The following IMPG1 variants were observed in gnomAD, a reference collection of about 807,000 sequenced individuals.
IMPG1 encodes the protein interphotoreceptor matrix proteoglycan of 150 kDa.
A neutral mutation model predicts 92.0 loss-of-function variants in IMPG1; 85 were observed. The observed-to-expected ratio is 0.92, with a 90% confidence interval of 0.78 to 1.11. The LOEUF is 1.11. Among genes scored for constraint, IMPG1 ranks in the 50% least tolerant of loss-of-function variants. The pLI is 0.00. For synonymous variants in IMPG1, 367 were observed against 334.1 expected (o/e 1.10, Z -1.08); for missense variants, 1,022 against 956.0 (o/e 1.07, Z -0.91).
intron 12 of IMPG1, among the ~76,000 whole-genome samples, chr6:75,965,363 TA>T (rs1782288822): frequency 7.8e-6 from 1 of 128,414 alleles, no homozygotes; most frequent in Non-Finnish European, 1.6e-5. Context: ...CATTTGTTGT[TA>T]CTTTTTTTTT....
At chr6:75,926,392 G>GA (rs1336844214) in intron 15 of IMPG1, among the ~76,000 whole-genome samples, 3 of 152,114 alleles carry the variant, frequency 2.0e-5, no homozygotes, top group Non-Finnish European at 2.9e-5. Flanking sequence ...TATCCAGAGG[G>GA]AAAAAAACTA....
intron 12 of IMPG1, among the ~76,000 whole-genome samples, chr6:75,983,189 T>C (rs1782657551): frequency 6.6e-6 from 1 of 151,656 alleles, no homozygotes; most frequent in Admixed American, 6.6e-5. Flanking sequence ...CCCAAATCTA[T>C]CAATTTCAAT....
rs151288964 is a variant in IMPG1 at position 76,065,494 on chromosome 6, G to A, written c.67+6928C>T. Among the ~76,000 whole-genome samples, 193 of 152,188 alleles carry A rather than the reference G, an allele frequency of 1.3e-3. 2 individuals carry two copies. Among genetic ancestry groups the A allele is most frequent in the African/African-American group, 3.8e-3 (160 of 41,560 alleles). On this transcript the variant is annotated intron_variant, in intron 1 of 16. Transcript: ENST00000369950. Reference sequence around the variant, plus strand: ...AGACCAAGTGAAAGAAAGAATATCAGAGCTTGAAGGCAGATTTTTGAATTA... The same window carrying A: ...AGACCAAGTGAAAGAAAGAATATCAAAGCTTGAAGGCAGATTTTTGAATTA...
intron 15 of IMPG1, among the ~76,000 whole-genome samples, chr6:75,925,433 A>G (rs1460021567): frequency 1.3e-5 from 2 of 152,024 alleles, no homozygotes; most frequent in Non-Finnish European, 2.9e-5. Context: ...TTCTCTCAAC[A>G]TCAATTTATT....
At chr6:76,015,736 G>T (rs1386138551) in intron 7 of IMPG1, among the ~76,000 whole-genome samples, 1 of 142,874 alleles carries the variant, frequency 7.0e-6, no homozygotes. Context: ...GGAGGCGGAG[G>T]TTGCAGTGAG....
chr6:76,013,701 T>C (rs749530586), intron 7 of IMPG1, among the ~76,000 whole-genome samples: 1 of 152,150 alleles, frequency 6.6e-6, no homozygotes, highest in Non-Finnish European at 1.5e-5. Flanking sequence ...ATACACATAG[T>C]AGGGACCCAG....
At chr6:76,058,472 CTAT>C (rs1230408747) in intron 1 of IMPG1, among the ~76,000 whole-genome samples, 1 of 152,050 alleles carries the variant, frequency 6.6e-6, no homozygotes, top group Non-Finnish European at 1.5e-5. Flanking sequence ...GCAGACTTGG[CTAT>C]TATTATTTTT....
chr6:76,036,260 A>G (rs550364866), intron 2 of IMPG1, among the ~76,000 whole-genome samples: 304 of 152,368 alleles, frequency 2.0e-3, no homozygotes, highest in Non-Finnish European at 3.1e-3. Context: ...TTGTATATGA[A>G]CAATTAGAGG....
chr6:75,930,526 C>G (rs916181961), intron 15 of IMPG1, among the ~76,000 whole-genome samples: 3 of 152,096 alleles, frequency 2.0e-5, no homozygotes, highest in African/African-American at 7.2e-5. Context: ...TATTTCCCAG[C>G]TTTCTTATGA....
intron 4 of IMPG1, among the ~76,000 whole-genome samples, chr6:76,029,042 A>G (rs1562376320): frequency 6.6e-6 from 1 of 152,252 alleles, no homozygotes; most frequent in Non-Finnish European, 1.5e-5. Flanking sequence ...CTGAAAGTGT[A>G]TGCTTCCCTT....
At chr6:76,022,712 A>G (rs1783454474) in intron 5 of IMPG1, among the ~76,000 whole-genome samples, 1 of 152,206 alleles carries the variant, frequency 6.6e-6, no homozygotes, top group South Asian at 2.1e-4. Context: ...ACCATAAACC[A>G]TTTCAAATAT....
chr6:75,967,820 A>G (rs939404279), intron 12 of IMPG1, among the ~76,000 whole-genome samples: 1 of 152,224 alleles, frequency 6.6e-6, no homozygotes, highest in Non-Finnish European at 1.5e-5. Context: ...AGTGAAAGAA[A>G]GAGTGGTTCA....
intron 7 of IMPG1, among the ~76,000 whole-genome samples, chr6:76,018,221 A>G (rs1388117116): frequency 6.6e-6 from 1 of 152,210 alleles, no homozygotes; most frequent in East Asian, 1.9e-4. Flanking sequence ...TTTATAAATT[A>G]GGCACAGCAA....
chr6:75,926,111 G>T (rs1300591731), intron 15 of IMPG1, among the ~76,000 whole-genome samples: 1 of 152,140 alleles, frequency 6.6e-6, no homozygotes. Context: ...AGATGCCTGG[G>T]ATCAGAACTA....
rs148376053 is a variant in IMPG1 at position 76,056,219 on chromosome 6, G to T, written c.68-14093C>A. On this transcript the variant is annotated intron_variant, in intron 1 of 16. Transcript: ENST00000369950. ...AATTTATCACATTAATGAATCAAAG[G>T]AGAAAAACTATTTGGCAATCTCAAT... 7.8e-3 allele frequency among the ~76,000 whole-genome samples: 1,183 copies of T among 152,158 alleles called. 18 individuals are homozygous for T. Among genetic ancestry groups the T allele is most frequent in the African/African-American group, 0.027 (1,111 of 41,554 alleles).
At position 76,018,941 on chromosome 6, in the gene IMPG1, G is replaced by A. The variant is rs987579655; in HGVS notation, c.667-83C>T. The A allele has an allele frequency of 2.0e-5, 25 of 1,250,162 alleles. No homozygotes were observed. In the East Asian group the frequency reaches 4.9e-4, roughly 25 times the overall value. The allele number at this position is 1,250,162 out of a possible 1,614,324, so 77.4% of individuals were successfully genotyped here. A position where few individuals can be genotyped will look rare whatever the true frequency, so the allele number is the denominator to read the frequency against. ...ATTTTAGATAATATATGTTGATACT[G>A]TCTCAAGAAGTGGATTATGAAGGCT... On this transcript the variant is annotated intron_variant, in intron 6 of 16. Coordinates refer to ENST00000369950, the MANE Select transcript of IMPG1 (RefSeq NM_001563.4).
intron 14 of IMPG1, among the ~76,000 whole-genome samples, chr6:75,935,733 C>A (rs1281869708): frequency 2.0e-5 from 3 of 152,174 alleles, no homozygotes; most frequent in African/African-American, 4.8e-5. Flanking sequence ...AAAATGTTTT[C>A]TTTAAAATCA....
intron 12 of IMPG1, among the ~76,000 whole-genome samples, chr6:75,992,696 T>C (rs1017958818): frequency 6.6e-6 from 1 of 152,258 alleles, no homozygotes; most frequent in South Asian, 2.1e-4. Context: ...AACTCCTTTT[T>C]CTGACTTTTA....
chr6:75,965,797 C>T (rs1286866227), intron 12 of IMPG1, among the ~76,000 whole-genome samples: 2 of 151,812 alleles, frequency 1.3e-5, no homozygotes, highest in South Asian at 2.1e-4. Flanking sequence ...TTAGTAGAGA[C>T]AGGGTTTCAC....
Sources: allele counts gnomAD v4.1 joint callset (sites outside exome capture counted in the v4.1 genomes callset), GRCh38; gene constraint gnomAD v4.1.1; transcripts MANE v1.5; gene names NCBI Gene and HGNC (gene_info 2026-07-23, HGNC 2026-07-21).